Variants in MRPL1 observed in about 807,000 individuals in gnomAD.
MRPL1 encodes mitochondrial ribosomal protein L1, also known as large ribosomal subunit protein uL1m.
A neutral mutation model predicts 38.0 loss-of-function variants in MRPL1; 28 were observed. The observed-to-expected ratio is 0.74, with a 90% CI of 0.55 to 1.01. The LOEUF (loss-of-function observed/expected upper bound fraction) is 1.01. MRPL1 is among the 50% of genes least tolerant of loss of function. The probability of loss-of-function intolerance (pLI) is 0.00; values close to 1 mark genes in which losing one functional copy is unlikely to be tolerated. For synonymous variants in MRPL1, 123 were observed against 126.7 expected (o/e 0.97, Z 0.20); for missense variants, 358 against 389.8 (o/e 0.92, Z 0.69).
At chr4:77,894,106 A>G (rs1735863041) in intron 5 of MRPL1, 33 bp from the exon 6 acceptor site, 2 of 1,253,768 alleles carry the variant, frequency 1.6e-6, no homozygotes, top group Non-Finnish European at 2.3e-6. Flanking sequence ...TTTTCATCTC[A>G]TCTGAGGTCA....
chr4:77,870,188 C>T (rs1034366694), intron 1 of MRPL1, among the ~76,000 whole-genome samples: 14 of 152,186 alleles, frequency 9.2e-5, no homozygotes, highest in African/African-American at 3.4e-4. Context: ...GCCACTGTGA[C>T]TGGCCTTGAT....
chr4:77,908,204 A>G (rs1047431786), intron 6 of MRPL1: 2 of 155,190 alleles, frequency 1.3e-5, no homozygotes, highest in African/African-American at 4.9e-5. Context: ...TATGGTAGGT[A>G]AAATGTTCTT....
At chr4:77,871,683 TA>T in intron 1 of MRPL1, 60 bp from the exon 2 acceptor site, 2 of 777,942 alleles carry the variant, frequency 2.6e-6, no homozygotes, top group Non-Finnish European at 4.0e-6. Flanking sequence ...CTTTTAAAAT[TA>T]AAAAATTATG....
At chr4:77,863,632 A>C (rs1469783809) in intron 1 of MRPL1, among the ~76,000 whole-genome samples, 1 of 151,590 alleles carries the variant, frequency 6.6e-6, no homozygotes, top group African/African-American at 2.4e-5. Context: ...ATGCCTGGCT[A>C]ATTTTTGTAT....
intron 2 of MRPL1, among the ~76,000 whole-genome samples, chr4:77,875,193 A>G (rs1044099529): frequency 3.3e-5 from 5 of 152,152 alleles, no homozygotes; most frequent in African/African-American, 1.2e-4. Context: ...TACAAATATG[A>G]TATTCGTATA....
rs76032347 is a variant in MRPL1, at chr4:77,882,804, A to G, written c.144-438A>G. Reference sequence around the variant, plus strand: ...GCTGCTAAGAACATTTGTGTACTAGATTTTGTGTCATATGTTTTCACTTCT... The same window carrying G: ...GCTGCTAAGAACATTTGTGTACTAGGTTTTGTGTCATATGTTTTCACTTCT... On this transcript the variant is annotated intron_variant, in intron 2 of 8. Transcript: ENST00000315567. Among the ~76,000 whole-genome samples the G allele has an allele frequency of 1.0e-3, 158 of 152,180 alleles. 5 individuals carry two copies. In the East Asian group the frequency reaches 0.028, roughly 27 times the overall value.
intron 7 of MRPL1, among the ~76,000 whole-genome samples, chr4:77,946,588 A>G (rs1285091911): frequency 6.6e-6 from 1 of 152,230 alleles, no homozygotes; most frequent in Admixed American, 6.5e-5. Flanking sequence ...ATAAGAAATT[A>G]TAAAACTATT....
intron 5 of MRPL1, among the ~76,000 whole-genome samples, chr4:77,890,164 A>T (rs1735774406): frequency 1.3e-5 from 2 of 152,208 alleles, no homozygotes; most frequent in African/African-American, 4.8e-5. Flanking sequence ...AAAGCCTGGC[A>T]GAGACACGAC....
chr4:77,869,445 TATC>T (rs1735226633), intron 1 of MRPL1, among the ~76,000 whole-genome samples: 1 of 152,214 alleles, frequency 6.6e-6, no homozygotes, highest in South Asian at 2.1e-4. Flanking sequence ...AAAACATAGA[TATC>T]ATGATCTAAC....
chr4:77,868,129 C>G (rs994617427), intron 1 of MRPL1, among the ~76,000 whole-genome samples: 1 of 152,020 alleles, frequency 6.6e-6, no homozygotes, highest in Non-Finnish European at 1.5e-5. Context: ...GTGGCACGAT[C>G]TTGGCCCACT....
chr4:77,913,718 C>T (rs1365267580), intron 7 of MRPL1, among the ~76,000 whole-genome samples: 1 of 152,106 alleles, frequency 6.6e-6, no homozygotes, highest in Non-Finnish European at 1.5e-5. Flanking sequence ...TCTGTGATAG[C>T]CCCAAACTGG....
At chr4:77,877,799 T>C (rs1009238218) in intron 2 of MRPL1, among the ~76,000 whole-genome samples, 1 of 151,850 alleles carries the variant, frequency 6.6e-6, no homozygotes, top group Non-Finnish European at 1.5e-5. Flanking sequence ...CCTGCCCTGC[T>C]CTCAGTGGGT....
chr4:77,868,613 A>T (rs1339225049), intron 1 of MRPL1, among the ~76,000 whole-genome samples: 4 of 152,242 alleles, frequency 2.6e-5, no homozygotes, highest in African/African-American at 9.6e-5. Flanking sequence ...ATACAAATGT[A>T]TATGAGAGAC....
chr4:77,946,654 C>T (rs1737276920), intron 7 of MRPL1, among the ~76,000 whole-genome samples: 1 of 152,156 alleles, frequency 6.6e-6, no homozygotes, highest in Admixed American at 6.5e-5. Context: ...AATTTATGTT[C>T]CTCTGCCATG....
intron 7 of MRPL1, among the ~76,000 whole-genome samples, chr4:77,925,386 C>G (rs1395620252): frequency 6.7e-6 from 1 of 149,282 alleles, no homozygotes; most frequent in Non-Finnish European, 1.5e-5. Flanking sequence ...TAGTCTCGCT[C>G]TGTCACCCAG....
intron 6 of MRPL1, among the ~76,000 whole-genome samples, chr4:77,899,592 C>A (rs1369213361): frequency 6.6e-6 from 1 of 152,042 alleles, no homozygotes; most frequent in African/African-American, 2.4e-5. Flanking sequence ...CTGTTTCTTG[C>A]AACTTCTTTC....
At chr4:77,905,496 C>CAAAAAAAAA (rs374398968) in intron 6 of MRPL1, among the ~76,000 whole-genome samples, 9 of 63,374 alleles carry the variant, frequency 1.4e-4, no homozygotes, top group Admixed American at 2.4e-4. Flanking sequence ...GACTCCGTCT[C>CAAAAAAAAA]AAAAAAAAAA....
At chr4:77,882,794 T>A (rs1416785750) in intron 2 of MRPL1, among the ~76,000 whole-genome samples, 1 of 152,248 alleles carries the variant, frequency 6.6e-6, no homozygotes. Context: ...TAAGAACATT[T>A]GTGTACTAGA....
chr4:77,888,553 A>G (rs1318674162), intron 5 of MRPL1, among the ~76,000 whole-genome samples: 1 of 152,096 alleles, frequency 6.6e-6, no homozygotes, highest in Admixed American at 6.6e-5. Context: ...ATAAGAAAAT[A>G]ACAGAGCTTG....
Sources: allele counts gnomAD v4.1 joint callset (sites outside exome capture counted in the v4.1 genomes callset), GRCh38; gene constraint gnomAD v4.1.1; transcripts MANE v1.5; gene names NCBI Gene and HGNC (gene_info 2026-07-23, HGNC 2026-07-21).